Variants in DOCK2 observed in about 807,000 individuals in gnomAD.
The protein encoded by DOCK2 is dedicator of cytokinesis 2.
Under a neutral mutation model 248.9 loss-of-function variants are expected in DOCK2, and 87 were observed. The observed-to-expected ratio is 0.35, with a 90% CI of 0.29 to 0.42. The LOEUF (loss-of-function observed/expected upper bound fraction) is 0.42, where lower values mean the gene tolerates loss of function less well. Among genes scored for constraint, DOCK2 ranks in the 10% least tolerant of loss-of-function variants. The pLI, the probability that DOCK2 is intolerant of heterozygous loss-of-function variation, is 1.00. For synonymous variants in DOCK2, 805 were observed against 821.6 expected (o/e 0.98, Z 0.35); for missense variants, 1,747 against 2,300.2 (o/e 0.76, Z 4.92).
rs533168693 is a variant in DOCK2, at chr5:169,695,496, G to A, written c.844-307G>A. On this transcript the variant is annotated intron_variant, in intron 9 of 51. Transcript: ENST00000520908. ...TTGGATCTATCACCTCGGCATATGG[G>A]GAATCCTGTCTGTACAGCTGATATT... 3.0e-5 allele frequency: 7 copies of A among 230,796 alleles called. No homozygotes were observed. The East Asian group carries it at 7.2e-4, about 24-fold the overall frequency. 14.3% of individuals were successfully genotyped at this position (230,796 alleles called of 1,614,324 possible). A position where few individuals can be genotyped will look rare whatever the true frequency, so the allele number is the denominator to read the frequency against.
At chr5:169,855,233 G>T (rs1452668934) in intron 27 of DOCK2, among the ~76,000 whole-genome samples, 1 of 152,226 alleles carries the variant, frequency 6.6e-6, no homozygotes, top group African/African-American at 2.4e-5. Flanking sequence ...GTAACTTCAA[G>T]AAACTAGAGT....
chr5:170,078,074 A>G (rs998762523), intron 48 of DOCK2, among the ~76,000 whole-genome samples: 4 of 152,192 alleles, frequency 2.6e-5, no homozygotes, highest in Non-Finnish European at 1.5e-5. Flanking sequence ...ACCCAGCAGG[A>G]GTCACCTGCA....
intron 27 of DOCK2, among the ~76,000 whole-genome samples, chr5:169,906,989 G>A (rs936912426): frequency 6.6e-6 from 1 of 152,140 alleles, no homozygotes; most frequent in African/African-American, 2.4e-5. Flanking sequence ...CTGTCCTAGG[G>A]ACTGGGACTA....
intron 22 of DOCK2, among the ~76,000 whole-genome samples, chr5:169,734,221 T>C (rs1762922661): frequency 6.6e-6 from 1 of 152,112 alleles, no homozygotes; most frequent in African/African-American, 2.4e-5. Flanking sequence ...AAAACTCCAT[T>C]TTGTTCTTTT....
In DOCK2 at chr5:170,031,901, A is replaced by T. The variant is rs140911380; in HGVS notation, c.3468-2498A>T. Among the ~76,000 whole-genome samples the T allele has an allele frequency of 1.6e-3, 239 of 152,296 alleles. 1 individual carries two copies. Among genetic ancestry groups the T allele is most frequent in the Middle Eastern group, 6.8e-3 (2 of 294 alleles). On this transcript the variant is annotated intron_variant, in intron 34 of 51. Transcript: ENST00000520908. ...ACCCGCAGCACTGGTATCACCTGGG[A>T]GATTGTTAGTAAGGCAGCTGCTCAG...
intron 25 of DOCK2, among the ~76,000 whole-genome samples, chr5:169,781,391 G>A (rs72841166): frequency 0.012 from 1,823 of 152,334 alleles, 14 homozygotes; most frequent in Non-Finnish European, 0.018. Context: ...CTAACAAGCA[G>A]TGTGACCTTG....
chr5:169,989,149 T>C (rs1412358039), intron 29 of DOCK2, among the ~76,000 whole-genome samples: 1 of 152,180 alleles, frequency 6.6e-6, no homozygotes, highest in African/African-American at 2.4e-5. Flanking sequence ...GGAGTGGAGT[T>C]TTCTAGATTT....
intron 27 of DOCK2, among the ~76,000 whole-genome samples, chr5:169,957,498 A>G (rs1408484187): frequency 1.3e-5 from 2 of 152,158 alleles, no homozygotes; most frequent in African/African-American, 2.4e-5. Context: ...TTCCCACTGA[A>G]CAGATGAGAA....
At chr5:169,739,766 T>G (rs1763216644) in intron 22 of DOCK2, among the ~76,000 whole-genome samples, 1 of 152,180 alleles carries the variant, frequency 6.6e-6, no homozygotes, top group African/African-American at 2.4e-5. Context: ...AAAATCCAAC[T>G]TCTTCTTGGC....
intron 1 of DOCK2, among the ~76,000 whole-genome samples, chr5:169,641,811 C>G (rs183593962): frequency 6.6e-6 from 1 of 152,326 alleles, no homozygotes; most frequent in Non-Finnish European, 1.5e-5. Context: ...TGCAACCCAC[C>G]CATCTCTGCA....
At chr5:169,905,660 T>G (rs1274004445) in intron 27 of DOCK2, among the ~76,000 whole-genome samples, 1 of 152,154 alleles carries the variant, frequency 6.6e-6, no homozygotes, top group African/African-American at 2.4e-5. Flanking sequence ...AGGCAGGGAC[T>G]GGACAAACCA....
At chr5:170,018,673 G>C (rs1452914878) in intron 32 of DOCK2, among the ~76,000 whole-genome samples, 7 of 152,224 alleles carry the variant, frequency 4.6e-5, no homozygotes, top group Non-Finnish European at 8.8e-5. Flanking sequence ...TTGCAGAGCA[G>C]ACACTGCAGG....
intron 2 of DOCK2, among the ~76,000 whole-genome samples, chr5:169,665,961 T>C (rs1306863660): frequency 6.6e-6 from 1 of 152,222 alleles, no homozygotes; most frequent in African/African-American, 2.4e-5. Context: ...ACTTTATAAT[T>C]TTCCAAAAGA....
chr5:169,954,459 G>A (rs1209202714), intron 27 of DOCK2, among the ~76,000 whole-genome samples: 1 of 152,216 alleles, frequency 6.6e-6, no homozygotes, highest in South Asian at 2.1e-4. Context: ...CAGACCTCAG[G>A]TAAGGCAATA....
intron 22 of DOCK2, among the ~76,000 whole-genome samples, chr5:169,725,659 C>T (rs1762428521): frequency 6.7e-6 from 1 of 148,728 alleles, no homozygotes; most frequent in South Asian, 2.3e-4. Flanking sequence ...CCTCCCCCAG[C>T]CCCCAACCCC....
chr5:169,715,364 C>A (rs1186229668), intron 19 of DOCK2, among the ~76,000 whole-genome samples: 1 of 152,086 alleles, frequency 6.6e-6, no homozygotes, highest in Non-Finnish European at 1.5e-5. Context: ...AATATTGACC[C>A]ATCCCTTAGG....
At chr5:169,963,597 C>G (rs985006696) in intron 27 of DOCK2, among the ~76,000 whole-genome samples, 22 of 152,156 alleles carry the variant, frequency 1.4e-4, no homozygotes, top group Non-Finnish European at 2.5e-4. Context: ...CACAGCCGTT[C>G]CCCTCCGGTG....
chr5:169,881,515 G>T lies in DOCK2; in HGVS notation c.2799+40663G>T. On this transcript the variant is annotated intron_variant, in intron 27 of 51. Transcript: ENST00000520908. ...TGGGCCACAAACATTCAACCTACTTGTCCCTTAGTCCCTATAGCACAGCAT... is the reference window on the plus strand; with the variant it reads ...TGGGCCACAAACATTCAACCTACTTTTCCCTTAGTCCCTATAGCACAGCAT... The T allele has an allele frequency of 7.1e-6, 8 of 1,130,820 alleles. No homozygotes were observed. The South Asian group carries it at 9.3e-5, about 13-fold the overall frequency. 70.0% of individuals were successfully genotyped at this position (1,130,820 alleles called of 1,614,324 possible).
At chr5:169,792,323 T>C (rs2113070723) in intron 25 of DOCK2, among the ~76,000 whole-genome samples, 1 of 150,860 alleles carries the variant, frequency 6.6e-6, no homozygotes, top group East Asian at 1.9e-4. Context: ...TAGAGCACTT[T>C]CCTAAAAATC....
Sources: allele counts gnomAD v4.1 joint callset (sites outside exome capture counted in the v4.1 genomes callset), GRCh38; gene constraint gnomAD v4.1.1; transcripts MANE v1.5; gene names NCBI Gene and HGNC (gene_info 2026-07-23, HGNC 2026-07-21).